Variants in ZNF334 observed in about 807,000 individuals in gnomAD.
ZNF334 encodes the protein zinc finger protein 334.
A neutral mutation model predicts 12.4 loss-of-function variants in ZNF334; 14 were observed. The observed-to-expected ratio is 1.13, with a 90% CI of 0.74 to 1.76. The LOEUF (loss-of-function observed/expected upper bound fraction) is 1.76, where lower values mean the gene tolerates loss of function less well. Among genes scored for constraint, ZNF334 ranks in the 40% most tolerant of loss-of-function variants. The pLI, the probability that ZNF334 is intolerant of heterozygous loss-of-function variation, is 0.00. For synonymous variants in ZNF334, 273 were observed against 269.6 expected (o/e 1.01, Z -0.12); for missense variants, 797 against 804.5 (o/e 0.99, Z 0.11).
intron 2 of ZNF334, chr20:46,509,723 C>A: frequency 2.9e-6 from 2 of 700,954 alleles, no homozygotes; most frequent in South Asian, 3.0e-5. Context: ...GCTGGTACCA[C>A]ACCTCATGGT....
chr20:46,473,778 G>C, the ZNF334 span, among the ~76,000 whole-genome samples: 23 of 152,290 alleles, frequency 1.5e-4, no homozygotes, highest in African/African-American at 5.5e-4. Flanking sequence ...AAATGTACAG[G>C]GTGGCTATAA....
the ZNF334 span, among the ~76,000 whole-genome samples, chr20:46,475,262 C>G: frequency 1.1e-3 from 172 of 152,204 alleles, no homozygotes; most frequent in African/African-American, 3.9e-3. Flanking sequence ...CATCCATAGA[C>G]ATAAAAAACC....
At chr20:46,494,536 A>G in the ZNF334 span, among the ~76,000 whole-genome samples, 1 of 152,232 alleles carries the variant, frequency 6.6e-6, no homozygotes, top group Non-Finnish European at 1.5e-5. Flanking sequence ...TAAGCCAAAA[A>G]TGCAACTGAA....
chr20:46,507,269 AAT>A (rs1314338210), intron 2 of ZNF334, among the ~76,000 whole-genome samples: 1 of 151,952 alleles, frequency 6.6e-6, no homozygotes, highest in African/African-American at 2.4e-5. Context: ...GGGGAAAGGA[AAT>A]AAAGAAAAGG....
chr20:46,482,727 C>G, the ZNF334 span, among the ~76,000 whole-genome samples: 4 of 152,108 alleles, frequency 2.6e-5, no homozygotes, highest in Middle Eastern at 3.2e-3. Flanking sequence ...CATGGCCCAT[C>G]AATGACACAG....
chr20:46,463,371 C>T, the ZNF334 span, among the ~76,000 whole-genome samples: 1 of 152,148 alleles, frequency 6.6e-6, no homozygotes, highest in African/African-American at 2.4e-5. Context: ...AACCACAGAG[C>T]AAGTTGGACA....
chr20:46,495,849 A>C (rs2061013514), downstream of ZNF334, among the ~76,000 whole-genome samples: 1 of 152,160 alleles, frequency 6.6e-6, no homozygotes, highest in Non-Finnish European at 1.5e-5. Flanking sequence ...GTGCTTGGGA[A>C]CAGCAAGAAT....
chr20:46,513,388 G>T lies in ZNF334; in HGVS notation c.-887C>A. On this transcript the variant is annotated 5_prime_UTR_variant, in exon 1 of 5. Coordinates refer to ENST00000692313, the MANE Select transcript of ZNF334 (RefSeq NM_001353824.2). ...GCGCGTCCACCCTCCGCAGACCCGA[G>T]GCCCGCTCCGCCCGGCCCCACCGTT... 1 of 152,764 alleles carries T rather than the reference G, an allele frequency of 6.5e-6. No individual in the cohort carries two copies. Among genetic ancestry groups the T allele is most frequent in the Admixed American group, 6.5e-5 (1 of 15,306 alleles). 9.5% of individuals were successfully genotyped at this position (152,764 alleles called of 1,614,324 possible). A position where few individuals can be genotyped will look rare whatever the true frequency, so the allele number is the denominator to read the frequency against.
At chr20:46,509,506 T>G (rs1401752691) in intron 2 of ZNF334, 18 of 693,624 alleles carry the variant, frequency 2.6e-5, no homozygotes, top group Non-Finnish European at 3.2e-5. Context: ...GGTCAGCACG[T>G]GGGTCAGCAC....
chr20:46,512,281 C>T (rs2061680429), intron 1 of ZNF334, 141 bp from the exon 2 acceptor site: 2 of 588,526 alleles, frequency 3.4e-6, no homozygotes, highest in African/African-American at 1.9e-5. Flanking sequence ...GTTGAGGAAA[C>T]GTTCACTTGT....
At position 46,501,843 on chromosome 20, in the gene ZNF334, A is replaced by G. The variant is rs2061190666; in HGVS notation, c.1496T>C (p.Ile499Thr). ...GVFNKCGRIS[I>T]VKSNCSQCKR... is the part of the protein sequence containing the mutation. Reference sequence around the variant, plus strand: ...ACACTGACTGCAGTTTGACTTCACAATGGAGATTCTACCACATTTATTAAA... The same window carrying G: ...ACACTGACTGCAGTTTGACTTCACAGTGGAGATTCTACCACATTTATTAAA... Residue 499 changes from isoleucine to threonine, a missense_variant, in exon 5 of 5, where the codon ATT (isoleucine) becomes ACT (threonine). Coordinates refer to ENST00000692313, the MANE Select transcript of ZNF334 (RefSeq NM_001353824.2). The G allele has an allele frequency of 6.2e-7, 1 of 1,612,888 alleles. No homozygotes were observed. Among genetic ancestry groups the G allele is most frequent in the Admixed American group, 1.7e-5 (1 of 59,908 alleles).
chr20:46,491,165 C>G, the ZNF334 span: 1 of 152,880 alleles, frequency 6.5e-6, no homozygotes, highest in African/African-American at 2.4e-5. Flanking sequence ...TATTCAACAT[C>G]AGAGCATGCA....
chr20:46,473,885 G>A, the ZNF334 span, among the ~76,000 whole-genome samples: 1 of 152,206 alleles, frequency 6.6e-6, no homozygotes, highest in Non-Finnish European at 1.5e-5. Context: ...CACCCAAAGT[G>A]AGATTGTACG....
intron 2 of ZNF334, among the ~76,000 whole-genome samples, chr20:46,508,108 T>C (rs1460277492): frequency 2.6e-5 from 4 of 152,124 alleles, no homozygotes; most frequent in African/African-American, 7.2e-5. Context: ...AACTGAAAGG[T>C]GCTTATGACA....
At chr20:46,507,439 AAAT>A (rs2061476669) in intron 2 of ZNF334, among the ~76,000 whole-genome samples, 1 of 152,160 alleles carries the variant, frequency 6.6e-6, no homozygotes, top group Non-Finnish European at 1.5e-5. Flanking sequence ...ATATTATGGA[AAAT>A]AATAAGCAGA....
chr20:46,508,226 C>T (rs2061506781), intron 2 of ZNF334, among the ~76,000 whole-genome samples: 1 of 152,060 alleles, frequency 6.6e-6, no homozygotes, highest in African/African-American at 2.4e-5. Flanking sequence ...CCATTTCACA[C>T]AAAACAAGAT....
intron 2 of ZNF334, among the ~76,000 whole-genome samples, chr20:46,508,476 T>C (rs1043972485): frequency 2.0e-5 from 3 of 152,352 alleles, no homozygotes; most frequent in African/African-American, 7.2e-5. Context: ...GTTCACAATG[T>C]AGGCAGAAAA....
At chr20:46,511,616 T>C (rs145590762) in intron 2 of ZNF334, among the ~76,000 whole-genome samples, 2 of 152,362 alleles carry the variant, frequency 1.3e-5, no homozygotes, top group East Asian at 3.9e-4. Flanking sequence ...TTATAGGTTT[T>C]ATCCATTTAT....
chr20:46,492,344 A>C, the ZNF334 span: 2 of 152,880 alleles, frequency 1.3e-5, no homozygotes, highest in Non-Finnish European at 2.9e-5. Flanking sequence ...ATATCAGTCA[A>C]ACTTTACTAA....
Sources: gnomAD v4.1 joint callset for allele counts (sites outside exome capture counted in the v4.1 genomes callset) on GRCh38, gnomAD v4.1.1 for gene constraint, MANE v1.5 for transcripts, NCBI Gene and HGNC (gene_info 2026-07-23, HGNC 2026-07-21) for gene names.